FRMD4B: variants seen among roughly 807,000 people sequenced by gnomAD.
FRMD4B encodes the protein FERM domain-containing protein 4B.
In FRMD4B, 74 loss-of-function variants were observed where a neutral mutation model predicts 141.5. The observed-to-expected ratio is 0.52, with a 90% CI of 0.43 to 0.63. The LOEUF is 0.63. FRMD4B is among the 30% of genes least tolerant of loss of function. The pLI, the probability that FRMD4B is intolerant of heterozygous loss-of-function variation, is 0.00. For missense variants in FRMD4B, 1,366 were observed against 1,253.4 expected (o/e 1.09, Z -1.36); for synonymous variants, 506 against 467.9 (o/e 1.08, Z -1.05).
In FRMD4B at chr3:69,189,933, C is replaced by G; in HGVS notation, c.1734G>C (p.Glu578Asp). The change falls in exon 18 of 23, where the codon GAG becomes GAC. Residue 578 changes from glutamate to aspartate, a missense_variant. Glu to Asp is a conservative substitution (Grantham distance 45, BLOSUM62 2). Transcript: ENST00000398540. ...TGGTGGTGTCAGACAAAGAGCTACT[C>G]TCTGAGGGGATTATGTCTTCTGTGA... ...TVLPEDIIPS[E>D]SSSLSDTTTY... 1 of 1,597,924 alleles carries G rather than the reference C, an allele frequency of 6.3e-7. No homozygotes were observed.
intron 2 of FRMD4B, among the ~76,000 whole-genome samples, chr3:69,405,852 T>C (rs1346958587): frequency 6.6e-6 from 1 of 152,198 alleles, no homozygotes. Flanking sequence ...TGGTCCCTTG[T>C]AGTGAAACAG....
At chr3:69,300,899 C>T (rs754707831) in intron 4 of FRMD4B, among the ~76,000 whole-genome samples, 58 of 152,222 alleles carry the variant, frequency 3.8e-4, no homozygotes, top group African/African-American at 9.6e-4. Context: ...CCAAGCCTGG[C>T]TAATTTTTGT....
chr3:69,438,839 A>G (rs1705299321), intron 1 of FRMD4B, among the ~76,000 whole-genome samples: 1 of 152,164 alleles, frequency 6.6e-6, no homozygotes, highest in South Asian at 2.1e-4. Flanking sequence ...ATGGAAATAT[A>G]CAGAAGAAAA....
intron 7 of FRMD4B, among the ~76,000 whole-genome samples, chr3:69,235,740 G>C (rs2093341597): frequency 6.6e-6 from 1 of 152,084 alleles, no homozygotes; most frequent in African/African-American, 2.4e-5. Flanking sequence ...CCAGGTGGCA[G>C]AGAGTGGGCT....
chr3:69,279,268 T>A (rs992828974), intron 5 of FRMD4B, among the ~76,000 whole-genome samples: 2 of 152,226 alleles, frequency 1.3e-5, no homozygotes, highest in African/African-American at 4.8e-5. Context: ...CAAATACGGT[T>A]TCTGGGGCCA....
intron 1 of FRMD4B, among the ~76,000 whole-genome samples, chr3:69,515,739 T>C (rs1030927690): frequency 1.3e-5 from 2 of 152,112 alleles, no homozygotes; most frequent in African/African-American, 2.4e-5. Flanking sequence ...AGAAGGATGA[T>C]AGAGTTCAAA....
At chr3:69,307,316 C>T (rs1422974030) in intron 3 of FRMD4B, among the ~76,000 whole-genome samples, 1 of 152,074 alleles carries the variant, frequency 6.6e-6, no homozygotes, top group Non-Finnish European at 1.5e-5. Flanking sequence ...AAGGGTGGCC[C>T]AAATAACTGA....
intron 1 of FRMD4B, among the ~76,000 whole-genome samples, chr3:69,450,577 AC>A (rs1253328638): frequency 6.6e-6 from 1 of 151,912 alleles, no homozygotes; most frequent in Admixed American, 6.6e-5. Flanking sequence ...ACATGGGGAA[AC>A]CCCGTCTCTA....
intron 1 of FRMD4B, among the ~76,000 whole-genome samples, chr3:69,462,909 G>A (rs1705727610): frequency 6.6e-6 from 1 of 152,194 alleles, no homozygotes; most frequent in African/African-American, 2.4e-5. Flanking sequence ...AGACCATGTA[G>A]TCAGCTTGTC....
At chr3:69,340,395 T>C (rs1314836267) in intron 1 of FRMD4B, among the ~76,000 whole-genome samples, 2 of 152,194 alleles carry the variant, frequency 1.3e-5, no homozygotes, top group Non-Finnish European at 1.5e-5. Flanking sequence ...AGCTCCCACT[T>C]ACAAGTGAGA....
At chr3:69,229,020 T>TGC (rs1308433774) in intron 7 of FRMD4B, among the ~76,000 whole-genome samples, 2 of 148,656 alleles carry the variant, frequency 1.3e-5, no homozygotes, top group Admixed American at 6.8e-5. Context: ...ATCATGTTTT[T>TGC]TTTTTTTTTT....
chr3:69,534,690 G>T (rs1021381498), intron 1 of FRMD4B, among the ~76,000 whole-genome samples: 4 of 152,092 alleles, frequency 2.6e-5, no homozygotes, highest in African/African-American at 7.2e-5. Flanking sequence ...TCATCTCAAG[G>T]CTCCCTTCCA....
exon 2 of FRMD4B, chr3:69,432,695 T>G (rs1705199913): frequency 6.6e-6 from 1 of 152,206 alleles, no homozygotes; most frequent in South Asian, 2.1e-4. Flanking sequence ...CTTCAGATTT[T>G]GTTTGCTATG....
At chr3:69,525,275 G>T (rs1279226254) in intron 1 of FRMD4B, among the ~76,000 whole-genome samples, 1 of 152,186 alleles carries the variant, frequency 6.6e-6, no homozygotes, top group Admixed American at 6.5e-5. Context: ...CTTTCTCAGA[G>T]CACACAGGAT....
intron 1 of FRMD4B, among the ~76,000 whole-genome samples, chr3:69,345,259 C>A (rs903339878): frequency 6.6e-6 from 1 of 152,166 alleles, no homozygotes; most frequent in Non-Finnish European, 1.5e-5. Flanking sequence ...AGTCTGAGAT[C>A]GAACTGCAAG....
intron 1 of FRMD4B, chr3:69,353,649 G>A (rs1174202353): frequency 5.1e-6 from 5 of 982,994 alleles, no homozygotes; most frequent in Non-Finnish European, 4.8e-6. Context: ...GTGTGCGCGC[G>A]CGTGTGTGTG....
chr3:69,301,142 A>C (rs1401431623), intron 4 of FRMD4B, among the ~76,000 whole-genome samples: 1 of 152,190 alleles, frequency 6.6e-6, no homozygotes, highest in Admixed American at 6.5e-5. Flanking sequence ...AAAGAAAAAA[A>C]ATTTAATTCA....
chr3:69,327,313 G>C (rs956201989), intron 1 of FRMD4B, among the ~76,000 whole-genome samples: 1 of 152,160 alleles, frequency 6.6e-6, no homozygotes, highest in Non-Finnish European at 1.5e-5. Flanking sequence ...TGTGTGAAGA[G>C]ATATTGAAAA....
chr3:69,415,334 A>G (rs913470183), intron 2 of FRMD4B, among the ~76,000 whole-genome samples: 3 of 152,186 alleles, frequency 2.0e-5, no homozygotes, highest in African/African-American at 7.2e-5. Flanking sequence ...GCAGAGTCAC[A>G]AGATACTATG....
Sources: gnomAD v4.1 joint callset for allele counts (sites outside exome capture counted in the v4.1 genomes callset) on GRCh38, gnomAD v4.1.1 for gene constraint, MANE v1.5 for transcripts, NCBI Gene and HGNC (gene_info 2026-07-23, HGNC 2026-07-21) for gene names.